NTM: variants seen among roughly 807,000 people sequenced by gnomAD.
NTM encodes neurotrimin.
In NTM, 13 loss-of-function variants were observed where a neutral mutation model predicts 42.1. The observed-to-expected ratio is 0.31, with a 90% CI of 0.20 to 0.49. NTM has a LOEUF of 0.49. NTM is among the 20% of genes least tolerant of loss of function. The pLI is 0.99. For synonymous variants in NTM, 187 were observed against 179.2 expected, an observed-to-expected ratio of 1.04 and a Z score of -0.35; for missense variants, 373 against 452.8, an observed-to-expected ratio of 0.82 and a Z score of 1.60.
chr11:131,707,852 C>T (rs994734280), intron 1 of NTM, among the ~76,000 whole-genome samples: 3 of 152,032 alleles, frequency 2.0e-5, no homozygotes, highest in Non-Finnish European at 4.4e-5. Context: ...CCTCTAAGGT[C>T]GTGAATAAGA....
chr11:131,552,491 C>T lies in NTM; in HGVS notation c.82+181603C>T, dbSNP rs906970834. Among the ~76,000 whole-genome samples the T allele has an allele frequency of 6.3e-5, 9 of 143,632 alleles. 1 individual carries two copies. The highest frequency in any genetic ancestry group is 2.4e-4 in the African/African-American group (9 of 37,814). 94.2% of individuals were successfully genotyped at this position (143,632 alleles called of 152,430 possible). A position where few individuals can be genotyped will look rare whatever the true frequency, so the allele number is the denominator to read the frequency against. ...TGCACCTCCAGCCTGGGCGACAGAG[C>T]GAGACTCCGTCTCAAAAAAAAAAAA... On this transcript the variant is annotated intron_variant, in intron 1 of 8. Coordinates refer to ENST00000683400, the MANE Select transcript of NTM (RefSeq NM_001352005.2).
intron 3 of NTM, among the ~76,000 whole-genome samples, chr11:132,200,041 C>T (rs181309112): frequency 4.1e-4 from 62 of 152,312 alleles, no homozygotes; most frequent in South Asian, 1.2e-3. Context: ...AGAGCTGCCA[C>T]TCTCGCTGAG....
At chr11:131,789,622 G>GAA (rs1290367963) in intron 1 of NTM, among the ~76,000 whole-genome samples, 1 of 85,612 alleles carries the variant, frequency 1.2e-5, no homozygotes, top group African/African-American at 5.3e-5. Flanking sequence ...AGAAGAAGAA[G>GAA]AAGAAGAAGA....
chr11:131,386,641 A>T (rs1471369265), intron 1 of NTM, among the ~76,000 whole-genome samples: 3 of 152,234 alleles, frequency 2.0e-5, no homozygotes, highest in African/African-American at 7.2e-5. Flanking sequence ...GTGTTTGCAC[A>T]CACCTATGTC....
At chr11:131,581,079 A>G (rs2058364931) in intron 1 of NTM, among the ~76,000 whole-genome samples, 2 of 152,242 alleles carry the variant, frequency 1.3e-5, no homozygotes, top group Admixed American at 6.5e-5. Context: ...ACTCATCTTC[A>G]GAGAGAGTAT....
At chr11:132,318,429 T>G (rs1367275934) in intron 7 of NTM, among the ~76,000 whole-genome samples, 2 of 152,154 alleles carry the variant, frequency 1.3e-5, no homozygotes, top group Non-Finnish European at 2.9e-5. Flanking sequence ...TGCCCCTCAG[T>G]GGAACATCAT....
intron 1 of NTM, among the ~76,000 whole-genome samples, chr11:131,881,214 C>T (rs539706239): frequency 5.9e-5 from 9 of 152,200 alleles, no homozygotes; most frequent in Admixed American, 2.0e-4. Context: ...ATTCCATTGC[C>T]CTCATTCACA....
At position 132,335,163 on chromosome 11, in the gene NTM, C is replaced by T; in HGVS notation, c.*17C>T. 6.2e-7 allele frequency: 1 copy of T among 1,611,162 alleles called. No individual in the cohort carries two copies. Among genetic ancestry groups the T allele is most frequent in the South Asian group, 1.1e-5 (1 of 91,022 alleles). On this transcript the variant is annotated 3_prime_UTR_variant, in exon 9 of 9. Transcript: ENST00000683400. Reference sequence around the variant, plus strand: ...AAATTTTGATGTGAGTGCCACTTCCCCACCCGGGAAAGGCTGCCGCCACCA... The same window carrying T: ...AAATTTTGATGTGAGTGCCACTTCCTCACCCGGGAAAGGCTGCCGCCACCA...
intron 1 of NTM, among the ~76,000 whole-genome samples, chr11:131,861,755 GAGAAA>G (rs2046657764): frequency 6.6e-6 from 1 of 152,096 alleles, no homozygotes; most frequent in Admixed American, 6.5e-5. Flanking sequence ...AAAAGAGAGA[GAGAAA>G]AGAAAAAAAG....
Position 131,632,915 on chromosome 11 carries a change from C to T in NTM, c.82+262027C>T, listed in dbSNP as rs181240865. Among the ~76,000 whole-genome samples, 755 of 147,286 alleles carry T rather than the reference C, an allele frequency of 5.1e-3. 55 individuals carry two copies. Among genetic ancestry groups the T allele is most frequent in the African/African-American group, 0.018 (685 of 37,066 alleles). On this transcript the variant is annotated intron_variant, in intron 1 of 8. Transcript: ENST00000683400. Reference sequence around the variant, plus strand: ...GTCTCGATCTCCTGACCTCGTGATCCGCCCATCTCAGCCTCCCAAAGTGCT... The same window carrying T: ...GTCTCGATCTCCTGACCTCGTGATCTGCCCATCTCAGCCTCCCAAAGTGCT...
intron 3 of NTM, among the ~76,000 whole-genome samples, chr11:132,163,023 C>T (rs925894565): frequency 2.0e-5 from 3 of 152,140 alleles, no homozygotes; most frequent in South Asian, 2.1e-4. Flanking sequence ...AGAGAAGGAT[C>T]GGTTGTGAAA....
chr11:131,435,177 G>T (rs1949020078), intron 1 of NTM, among the ~76,000 whole-genome samples: 1 of 152,170 alleles, frequency 6.6e-6, no homozygotes, highest in South Asian at 2.1e-4. Flanking sequence ...GTACCATGCT[G>T]TTTTGGTTAC....
At chr11:132,168,978 C>T (rs1234726208) in intron 3 of NTM, among the ~76,000 whole-genome samples, 1 of 151,958 alleles carries the variant, frequency 6.6e-6, no homozygotes, top group East Asian at 1.9e-4. Flanking sequence ...CCAAAACTAT[C>T]GAGTAGGCAA....
intron 2 of NTM, among the ~76,000 whole-genome samples, chr11:132,093,239 A>G (rs538216198): frequency 1.2e-4 from 19 of 152,186 alleles, no homozygotes; most frequent in Admixed American, 2.6e-4. Flanking sequence ...CTCTGGCAAT[A>G]CAGACTCTTT....
chr11:132,158,669 G>A (rs969281252), intron 3 of NTM, among the ~76,000 whole-genome samples: 11 of 152,202 alleles, frequency 7.2e-5, no homozygotes, highest in Admixed American at 7.2e-4. Context: ...ACCGTTAAGT[G>A]GACTTGATCA....
intron 1 of NTM, among the ~76,000 whole-genome samples, chr11:131,662,757 A>G (rs895741074): frequency 6.6e-6 from 1 of 152,144 alleles, no homozygotes; most frequent in Non-Finnish European, 1.5e-5. Flanking sequence ...TGCATGGATG[A>G]AAAGAGACGG....
chr11:131,471,650 TC>T (rs1952453948), intron 1 of NTM, among the ~76,000 whole-genome samples: 2 of 152,264 alleles, frequency 1.3e-5, no homozygotes, highest in Middle Eastern at 3.4e-3. Flanking sequence ...TAAGATGAGT[TC>T]TCATTTCTGA....
intron 4 of NTM, among the ~76,000 whole-genome samples, chr11:132,222,103 C>T (rs568031763): frequency 1.3e-5 from 2 of 152,288 alleles, no homozygotes; most frequent in African/African-American, 4.8e-5. Context: ...CAGGTCTCTG[C>T]ATTCCACCCT....
At chr11:132,280,396 C>T (rs563681801) in intron 4 of NTM, among the ~76,000 whole-genome samples, 22 of 149,734 alleles carry the variant, frequency 1.5e-4, no homozygotes, top group African/African-American at 4.4e-4. Flanking sequence ...CTTTAGTTTT[C>T]GGGTGAACTT....
Sources: gnomAD v4.1 joint callset for allele counts (sites outside exome capture counted in the v4.1 genomes callset) on GRCh38, gnomAD v4.1.1 for gene constraint, MANE v1.5 for transcripts, NCBI Gene and HGNC (gene_info 2026-07-23, HGNC 2026-07-21) for gene names.